Variants in MAP4K3 observed in about 807,000 individuals in gnomAD.
The protein encoded by MAP4K3 is MAPK/ERK kinase kinase kinase 3.
A neutral mutation model predicts 143.5 loss-of-function variants in MAP4K3; 94 were observed. The ratio of observed to expected loss-of-function variants is 0.65; its 90% CI spans 0.55 to 0.78. The LOEUF (loss-of-function observed/expected upper bound fraction) is 0.78, where lower values mean the gene tolerates loss of function less well. MAP4K3 is among the 30% of genes least tolerant of loss of function. MAP4K3 has a pLI of 0.00. For synonymous variants in MAP4K3, 416 were observed against 347.2 expected (o/e 1.20, Z -2.20); for missense variants, 1,077 against 1,068.1 (o/e 1.01, Z -0.12).
At chr2:39,332,138 C>T (rs1683704543) in intron 7 of MAP4K3, 149 bp from the exon 8 acceptor site, 1 of 480,814 alleles carries the variant, frequency 2.1e-6, no homozygotes, top group Admixed American at 3.2e-5. Flanking sequence ...CAAATTTTAA[C>T]CTTAATGGAC....
Position 39,250,431 on chromosome 2 carries a change from G to T in MAP4K3, c.*187C>A. 1 of 514,570 alleles carries T rather than the reference G, an allele frequency of 1.9e-6. No homozygotes were observed. Among genetic ancestry groups the T allele is most frequent in the Non-Finnish European group, 3.5e-6 (1 of 289,736 alleles). 31.9% of individuals were successfully genotyped at this position (514,570 alleles called of 1,614,324 possible). On this transcript the variant is annotated 3_prime_UTR_variant, in exon 34 of 34. Transcript: ENST00000263881. ...ATAACAATGAATTAAGCACTTGTGTGGTTCAATATGCTAAATATATCCATA... is the reference window on the plus strand; with the variant it reads ...ATAACAATGAATTAAGCACTTGTGTTGTTCAATATGCTAAATATATCCATA...
chr2:39,378,800 A>G (rs972681451), intron 1 of MAP4K3, among the ~76,000 whole-genome samples: 2 of 151,978 alleles, frequency 1.3e-5, no homozygotes, highest in African/African-American at 4.8e-5. Context: ...AAAAAATCAA[A>G]TTATAGATTC....
intron 2 of MAP4K3, among the ~76,000 whole-genome samples, chr2:39,364,391 T>C (rs1665862051): frequency 6.6e-6 from 1 of 152,228 alleles, no homozygotes. Context: ...AGAATAGGTA[T>C]CATGTGACGT....
intron 1 of MAP4K3, among the ~76,000 whole-genome samples, chr2:39,420,461 G>A (rs920482979): frequency 2.0e-5 from 3 of 151,946 alleles, no homozygotes; most frequent in African/African-American, 7.3e-5. Context: ...GTGTTGCCTA[G>A]GCTGGAGTGC....
intron 23 of MAP4K3, among the ~76,000 whole-genome samples, chr2:39,279,105 G>C (rs1335694719): frequency 1.3e-5 from 2 of 152,102 alleles, no homozygotes; most frequent in African/African-American, 4.8e-5. Context: ...GAACAGGAAA[G>C]AAAGGAAAGA....
At chr2:39,255,984 G>C (rs1274975941) in intron 31 of MAP4K3, among the ~76,000 whole-genome samples, 1 of 152,084 alleles carries the variant, frequency 6.6e-6, no homozygotes, top group Non-Finnish European at 1.5e-5. Flanking sequence ...TTCACTTGCT[G>C]AATCTTTTAT....
At position 39,250,450 on chromosome 2, in the gene MAP4K3, A is replaced by G; in HGVS notation, c.*168T>C. 1 of 579,232 alleles carries G rather than the reference A, an allele frequency of 1.7e-6. No homozygotes were observed. Among genetic ancestry groups the G allele is most frequent in the Non-Finnish European group, 3.0e-6 (1 of 329,980 alleles). 35.9% of individuals were successfully genotyped at this position (579,232 alleles called of 1,614,324 possible). On this transcript the variant is annotated 3_prime_UTR_variant, in exon 34 of 34. Coordinates refer to ENST00000263881, the MANE Select transcript of MAP4K3 (RefSeq NM_003618.4). Reference sequence around the variant, plus strand: ...TTGTGTGGTTCAATATGCTAAATATATCCATACCACTTAAAACAAAATTTT... The same window carrying G: ...TTGTGTGGTTCAATATGCTAAATATGTCCATACCACTTAAAACAAAATTTT...
At chr2:39,415,529 C>T (rs1572505078) in intron 1 of MAP4K3, among the ~76,000 whole-genome samples, 1 of 151,644 alleles carries the variant, frequency 6.6e-6, no homozygotes, top group Admixed American at 6.6e-5. Flanking sequence ...GTACGTATTA[C>T]TTCAATGAGG....
chr2:39,344,184 G>C (rs1436360885), intron 3 of MAP4K3, among the ~76,000 whole-genome samples: 1 of 152,146 alleles, frequency 6.6e-6, no homozygotes, highest in Non-Finnish European at 1.5e-5. Context: ...GTGTCTAGAA[G>C]AATATCCAGC....
Position 39,286,944 on chromosome 2 carries a change from G to T in MAP4K3, c.1495C>A (p.Gln499Lys). ...VALGNGMSSFQLNGERDGSLC... is the reference protein window; with the variant it reads ...VALGNGMSSFKLNGERDGSLC... ...GAGCCATCTCGTTCACCATTTAACT[G>T]GAAGGAGCTCATTCCATTTCCTTCA... Residue 499 changes from glutamine to lysine, a missense_variant, in exon 21 of 34, where the codon CAG (glutamine) becomes AAG (lysine). Coordinates refer to ENST00000263881, the MANE Select transcript of MAP4K3 (RefSeq NM_003618.4). 6.2e-7 allele frequency: 1 copy of T among 1,604,252 alleles called. No homozygotes were observed.
At chr2:39,300,405 C>A (rs1460856762) in intron 15 of MAP4K3, among the ~76,000 whole-genome samples, 1 of 152,124 alleles carries the variant, frequency 6.6e-6, no homozygotes, top group East Asian at 1.9e-4. Flanking sequence ...GTTTAAACAC[C>A]TTCCGACTTA....
chr2:39,359,794 G>A (rs1239193695), intron 2 of MAP4K3, among the ~76,000 whole-genome samples: 2 of 152,230 alleles, frequency 1.3e-5, no homozygotes, highest in Non-Finnish European at 2.9e-5. Context: ...TGAGCTATAC[G>A]TTGGCCCCTT....
intron 3 of MAP4K3, among the ~76,000 whole-genome samples, chr2:39,346,108 G>A (rs1665284377): frequency 6.6e-6 from 1 of 152,136 alleles, no homozygotes; most frequent in Non-Finnish European, 1.5e-5. Context: ...TGTGCCAGCT[G>A]CCCAGTGGCC....
At chr2:39,339,810 C>A (rs1419490360) in intron 4 of MAP4K3, among the ~76,000 whole-genome samples, 8 of 151,768 alleles carry the variant, frequency 5.3e-5, no homozygotes, top group African/African-American at 1.5e-4. Context: ...AGAAAAAAAA[C>A]AACAACAACC....
At chr2:39,361,001 C>T (rs1665753810) in intron 2 of MAP4K3, among the ~76,000 whole-genome samples, 2 of 152,168 alleles carry the variant, frequency 1.3e-5, no homozygotes, top group South Asian at 2.1e-4. Flanking sequence ...CACATTAAGT[C>T]CATACTTTGC....
At chr2:39,292,677 T>C (rs1300244245) in intron 18 of MAP4K3, 96 bp downstream of exon 18, 1 of 936,118 alleles carries the variant, frequency 1.1e-6, no homozygotes, top group Non-Finnish European at 1.8e-6. Flanking sequence ...ATTGTGTTAC[T>C]GATATTGAAA....
intron 2 of MAP4K3, among the ~76,000 whole-genome samples, chr2:39,365,010 A>G (rs1281935007): frequency 6.6e-6 from 1 of 152,194 alleles, no homozygotes; most frequent in Non-Finnish European, 1.5e-5. Flanking sequence ...CAGGAAAAAG[A>G]CCTGGAAAGG....
chr2:39,359,755 T>G (rs1463485507), intron 2 of MAP4K3, among the ~76,000 whole-genome samples: 1 of 152,244 alleles, frequency 6.6e-6, no homozygotes, highest in Non-Finnish European at 1.5e-5. Context: ...CTGCCAGGCT[T>G]GGGGCTTGCA....
chr2:39,328,148 T>C (rs960845819), intron 8 of MAP4K3, among the ~76,000 whole-genome samples: 1 of 152,182 alleles, frequency 6.6e-6, no homozygotes, highest in Admixed American at 6.5e-5. Flanking sequence ...CTGGGCAACA[T>C]GGCAAAACCC....
Sources: allele counts gnomAD v4.1 joint callset (sites outside exome capture counted in the v4.1 genomes callset), GRCh38; gene constraint gnomAD v4.1.1; transcripts MANE v1.5; gene names NCBI Gene and HGNC (gene_info 2026-07-23, HGNC 2026-07-21).